Variants in CD163L1 observed in about 807,000 individuals in gnomAD.
The protein encoded by CD163L1 is scavenger receptor cysteine-rich type 1 protein M160.
Under a neutral mutation model 165.4 loss-of-function variants are expected in CD163L1, and 124 were observed. That is an observed-to-expected ratio of 0.75 (90% CI 0.65 to 0.87). The LOEUF (loss-of-function observed/expected upper bound fraction) is 0.87, where lower values mean the gene tolerates loss of function less well. CD163L1 is among the 40% of genes least tolerant of loss of function. The pLI, the probability that CD163L1 is intolerant of heterozygous loss-of-function variation, is 0.00. For missense variants in CD163L1, 1,525 were observed against 1,799.9 expected, an observed-to-expected ratio of 0.85 and a Z score of 2.76; for synonymous variants, 585 against 662.2, an observed-to-expected ratio of 0.88 and a Z score of 1.79.
Position 7,398,393 on chromosome 12 carries a change from C to T in CD163L1, c.1600G>A (p.Ala534Thr). ...TCATCCAGCCAAATAGGTCCTGATG[C>T]TTCTTTAAAATAGGTCATACCAAAC... ...HVFGMTYFKE[A>T]SGPIWLDDVS... Residue 534 changes from alanine (A) to threonine (T), a missense_variant, in exon 7 of 20, where the codon GCA becomes ACA. Coordinates refer to ENST00000313599, the MANE Select transcript of CD163L1 (RefSeq NM_174941.6). The surrounding 1 kb of genome is among the most constrained non-coding windows in gnomAD (Gnocchi z 4.5). 6.2e-7 allele frequency: 1 copy of T among 1,614,152 alleles called. No individual in the cohort carries two copies. Among genetic ancestry groups the T allele is most frequent in the South Asian group, 1.1e-5 (1 of 91,074 alleles).
chr12:7,335,382 G>A, the CD163L1 span, among the ~76,000 whole-genome samples: 2 of 152,154 alleles, frequency 1.3e-5, no homozygotes, highest in South Asian at 4.1e-4. Flanking sequence ...ACAAAAACAA[G>A]CAATGGGGAA....
chr12:7,424,573 T>C (rs1042438018), intron 4 of CD163L1, among the ~76,000 whole-genome samples: 1 of 152,170 alleles, frequency 6.6e-6, no homozygotes. Flanking sequence ...GACATGATTG[T>C]ATATTTAGAA....
intron 2 of CD163L1, among the ~76,000 whole-genome samples, chr12:7,434,481 AC>A (rs1948688082): frequency 6.6e-6 from 1 of 152,198 alleles, no homozygotes; most frequent in African/African-American, 2.4e-5. Context: ...ATTTTGAGGA[AC>A]AGACAATAAA....
chr12:7,421,043 ATATATG>A (rs1415631759), intron 4 of CD163L1, among the ~76,000 whole-genome samples: 3,766 of 102,392 alleles, frequency 0.037, 77 homozygotes, highest in Admixed American at 0.1. Flanking sequence ...ATACGTGTAT[ATATATG>A]TATATACGTA....
chr12:7,442,480 C>T (rs1378066703), intron 1 of CD163L1, among the ~76,000 whole-genome samples: 1 of 151,940 alleles, frequency 6.6e-6, no homozygotes, highest in Non-Finnish European at 1.5e-5. Context: ...AGTTTGGCAA[C>T]AGTCAGTAAT....
downstream of CD163L1, among the ~76,000 whole-genome samples, chr12:7,345,733 A>G (rs751678048): frequency 6.6e-6 from 1 of 152,314 alleles, no homozygotes; most frequent in South Asian, 2.1e-4. Flanking sequence ...ATTTATAAAG[A>G]AAATAAGTTT....
At chr12:7,436,793 A>G (rs906542122) in intron 2 of CD163L1, among the ~76,000 whole-genome samples, 26 of 152,112 alleles carry the variant, frequency 1.7e-4, no homozygotes, top group African/African-American at 5.8e-4. Context: ...CTTAAAAATG[A>G]CAATTTCTGT....
At chr12:7,431,101 C>T (rs79111708) in intron 4 of CD163L1, among the ~76,000 whole-genome samples, 16,664 of 151,788 alleles carry the variant, frequency 0.11, 1,675 homozygotes, top group African/African-American at 0.26. Context: ...TTGGTTTATA[C>T]TGATAGTAAT....
chr12:7,328,928 C>T, the CD163L1 span, among the ~76,000 whole-genome samples: 1 of 148,872 alleles, frequency 6.7e-6, no homozygotes, highest in Admixed American at 6.7e-5. Context: ...TGTATATATA[C>T]ACATATGTGT....
downstream of CD163L1, among the ~76,000 whole-genome samples, chr12:7,342,642 C>A (rs751413382): frequency 2.0e-5 from 3 of 152,256 alleles, no homozygotes; most frequent in African/African-American, 7.2e-5. Flanking sequence ...GCATTTTCCT[C>A]CAGCCTTGGA....
Position 7,398,249 on chromosome 12 carries a change from A to C in CD163L1, c.1729+15T>G. On this transcript the variant is annotated intron_variant, in intron 7 of 19. Transcript: ENST00000313599. This position sits in a 1 kb window ranked among gnomAD's most constrained non-coding sequence, Gnocchi z 4.5. ...TTTCTCTTATCAGGAAATAATAAAC[A>C]AGAACAAGTCTTACCTGAGCAGGTT... is the stretch of plus-strand genomic sequence containing the variant. 1 of 1,598,892 alleles carries C rather than the reference A, an allele frequency of 6.3e-7. No individual in the cohort carries two copies. Among genetic ancestry groups the C allele is most frequent in the Non-Finnish European group, 8.5e-7 (1 of 1,171,076 alleles).
chr12:7,392,170 G>A (rs1020197703), intron 8 of CD163L1, among the ~76,000 whole-genome samples: 3 of 152,000 alleles, frequency 2.0e-5, no homozygotes, highest in African/African-American at 7.3e-5. Context: ...CCACATAATT[G>A]GAAGTAAAGC....
At chr12:7,323,823 G>C in the CD163L1 span, among the ~76,000 whole-genome samples, 4 of 152,064 alleles carry the variant, frequency 2.6e-5, no homozygotes, top group African/African-American at 9.7e-5. Flanking sequence ...TAGAAGAGGG[G>C]CTTTTTATTA....
chr12:7,437,108 TAACA>T (rs1202407383), intron 2 of CD163L1, among the ~76,000 whole-genome samples: 3 of 147,620 alleles, frequency 2.0e-5, no homozygotes, highest in Non-Finnish European at 4.5e-5. Context: ...GTTAATATAT[TAACA>T]AATATATATT....
At chr12:7,392,960 C>T (rs2136484911) in intron 8 of CD163L1, among the ~76,000 whole-genome samples, 1 of 152,138 alleles carries the variant, frequency 6.6e-6, no homozygotes, top group Admixed American at 6.5e-5. Context: ...AGTCCAGGAC[C>T]AGATGGATTC....
intron 19 of CD163L1, among the ~76,000 whole-genome samples, chr12:7,357,111 T>C (rs755724925): frequency 6.6e-6 from 1 of 152,102 alleles, no homozygotes; most frequent in Non-Finnish European, 1.5e-5. Flanking sequence ...AGCTGAGATG[T>C]AATCAACCTC....
intron 2 of CD163L1, among the ~76,000 whole-genome samples, chr12:7,440,629 CTTTT>C (rs71067189): frequency 3.4e-5 from 4 of 116,374 alleles, no homozygotes; most frequent in Non-Finnish European, 7.4e-5. Context: ...TATCTTTTTT[CTTTT>C]TTTTTTTTTT....
chr12:7,438,927 T>C, intron 2 of CD163L1: 1 of 1,604,710 alleles, frequency 6.2e-7, no homozygotes, highest in Admixed American at 1.7e-5. Flanking sequence ...GGCACAGTTT[T>C]CTTCTCTAAG....
intron 14 of CD163L1, among the ~76,000 whole-genome samples, chr12:7,373,068 T>C (rs754604125): frequency 3.3e-5 from 5 of 152,236 alleles, no homozygotes; most frequent in Non-Finnish European, 7.3e-5. Flanking sequence ...TATCCTTTTA[T>C]GTGCTTTCAT....
Sources: gnomAD v4.1 joint callset for allele counts (sites outside exome capture counted in the v4.1 genomes callset) on GRCh38, gnomAD v4.1.1 for gene constraint, Gnocchi (gnomAD v3.1) non-coding constraint, MANE v1.5 for transcripts, NCBI Gene and HGNC (gene_info 2026-07-23, HGNC 2026-07-21) for gene names.